Variants in PXDNL observed in about 807,000 individuals in gnomAD.
PXDNL encodes the protein peroxidasin like.
In PXDNL, 145 loss-of-function variants were observed where a neutral mutation model predicts 150.8. The observed-to-expected ratio is 0.96, with a 90% CI of 0.84 to 1.10. The LOEUF (loss-of-function observed/expected upper bound fraction) is 1.10, where lower values mean the gene tolerates loss of function less well. PXDNL is among the 50% of genes least tolerant of loss of function. The probability of loss-of-function intolerance (pLI) is 0.00; values close to 1 mark genes in which losing one functional copy is unlikely to be tolerated. For missense variants in PXDNL, 2,087 were observed against 1,873.9 expected (o/e 1.11, Z -2.10); for synonymous variants, 757 against 725.7 (o/e 1.04, Z -0.69).
chr8:51,408,521 C>T lies in PXDNL; in HGVS notation c.3103G>A (p.Gly1035Ser). 2 of 1,613,122 alleles carry T rather than the reference C, an allele frequency of 1.2e-6. No homozygotes were observed. Among genetic ancestry groups the T allele is most frequent in the South Asian group, 1.1e-5 (1 of 90,892 alleles). The change falls in exon 17 of 23, where the codon GGC becomes AGC. Residue 1035 changes from glycine (G) to serine (S), a missense_variant. By Grantham distance (56) the Gly-to-Ser change is moderately conservative (BLOSUM62 0). Transcript: ENST00000356297. ...CCTGCATTCACGTTGGGGTTGTAGC[C>T]TCGGTAACCCCTCAGCATCCTAGTG... is the stretch of plus-strand genomic sequence containing the variant. Reference protein sequence around the residue: ...PGTRMLRGYRGYNPNVNAGII... With the variant: ...PGTRMLRGYRSYNPNVNAGII...
At chr8:51,756,948 C>T (rs2037108450) in intron 1 of PXDNL, among the ~76,000 whole-genome samples, 1 of 152,072 alleles carries the variant, frequency 6.6e-6, no homozygotes, top group African/African-American at 2.4e-5. Flanking sequence ...AGTGGATATT[C>T]GTATGTTTAG....
intron 1 of PXDNL, among the ~76,000 whole-genome samples, chr8:51,807,627 T>C (rs1456873370): frequency 6.6e-6 from 1 of 152,224 alleles, no homozygotes; most frequent in East Asian, 1.9e-4. Flanking sequence ...GACAGGAATC[T>C]AGCCAAGGGC....
chr8:51,540,345 CA>C (rs1387461562), intron 4 of PXDNL, among the ~76,000 whole-genome samples: 1 of 152,078 alleles, frequency 6.6e-6, no homozygotes, highest in Non-Finnish European at 1.5e-5. Context: ...TTATTAATTC[CA>C]AATATCACCA....
intron 1 of PXDNL, among the ~76,000 whole-genome samples, chr8:51,675,069 G>C (rs74457625): frequency 6.6e-6 from 1 of 152,190 alleles, no homozygotes; most frequent in South Asian, 2.1e-4. Flanking sequence ...CATTTGCTAC[G>C]CACTCTCCTA....
At chr8:51,377,482 G>A (rs552064510) in intron 17 of PXDNL, among the ~76,000 whole-genome samples, 6 of 152,298 alleles carry the variant, frequency 3.9e-5, no homozygotes, top group African/African-American at 1.2e-4. Flanking sequence ...AAACGAGGCC[G>A]GAGCCGGCTC....
At chr8:51,568,830 A>G (rs1370881357) in intron 3 of PXDNL, among the ~76,000 whole-genome samples, 1 of 151,634 alleles carries the variant, frequency 6.6e-6, no homozygotes, top group African/African-American at 2.4e-5. Flanking sequence ...CGAGGCCTCT[A>G]TTAACATATC....
chr8:51,467,469 TG>T (rs1401888782), intron 8 of PXDNL, among the ~76,000 whole-genome samples: 1 of 151,990 alleles, frequency 6.6e-6, no homozygotes, highest in East Asian at 1.9e-4. Flanking sequence ...GAATACATGA[TG>T]GAGAGGTAGG....
At chr8:51,530,754 G>A (rs1319138975) in intron 4 of PXDNL, among the ~76,000 whole-genome samples, 3 of 151,952 alleles carry the variant, frequency 2.0e-5, no homozygotes, top group Non-Finnish European at 2.9e-5. Flanking sequence ...CCTGCTGTGA[G>A]GGCTTCCCTA....
Position 51,640,274 on chromosome 8 carries a change from T to C in PXDNL, c.236+14415A>G, listed in dbSNP as rs1814718076. 6.6e-5 allele frequency among the ~76,000 whole-genome samples: 10 copies of C among 152,134 alleles called. No individual in the cohort carries two copies. In the South Asian group the frequency reaches 2.1e-3, roughly 32 times the overall value. ...ACTGAATGGGCAAAAACTGGAAGCA[T>C]TCCCTTTGAAAACTGGCACAAGACA... On this transcript the variant is annotated intron_variant, in intron 2 of 22. Transcript: ENST00000356297.
intron 4 of PXDNL, among the ~76,000 whole-genome samples, chr8:51,528,507 G>A (rs1281015524): frequency 6.6e-6 from 1 of 152,184 alleles, no homozygotes; most frequent in African/African-American, 2.4e-5. Flanking sequence ...CCTCAAAGAT[G>A]TAAATGCCTT....
chr8:51,566,274 T>G (rs1812827839), intron 3 of PXDNL, among the ~76,000 whole-genome samples: 1 of 151,842 alleles, frequency 6.6e-6, no homozygotes, highest in South Asian at 2.1e-4. Context: ...TTTTCTGGTT[T>G]TGGTATTAGG....
At chr8:51,754,695 C>CGG (rs1563310755) in intron 1 of PXDNL, among the ~76,000 whole-genome samples, 3 of 151,914 alleles carry the variant, frequency 2.0e-5, no homozygotes, top group Non-Finnish European at 2.9e-5. Flanking sequence ...AGTAGAGATA[C>CGG]GGTTTCACCG....
At chr8:51,542,465 AG>A (rs770978843) in intron 4 of PXDNL, among the ~76,000 whole-genome samples, 1 of 149,964 alleles carries the variant, frequency 6.7e-6, no homozygotes, top group Non-Finnish European at 1.5e-5. Context: ...TCACGAGGGT[AG>A]GGTCCTTGTG....
chr8:51,694,567 G>A (rs192913700), intron 1 of PXDNL, among the ~76,000 whole-genome samples: 113 of 152,254 alleles, frequency 7.4e-4, no homozygotes, highest in East Asian at 2.9e-3. Context: ...AAAGAACCAC[G>A]TGACTCCCAA....
In PXDNL at chr8:51,734,117, A is replaced by G. The variant is rs1459859215; in HGVS notation, c.164+75064T>C. ...CATTACATGAAACCTCACTATCAGT[A>G]TAATGCGGAGCTTTGAAAGATCAAT... On this transcript the variant is annotated intron_variant, in intron 1 of 22. Transcript: ENST00000356297. Among the ~76,000 whole-genome samples the G allele has an allele frequency of 1.4e-4, 21 of 152,058 alleles. 1 individual carries two copies. Among genetic ancestry groups the G allele is most frequent in the Admixed American group, 1.4e-3 (21 of 15,268 alleles).
rs1252147928 is a variant in PXDNL, at chr8:51,705,830, T to C, written c.165-51070A>G. On this transcript the variant is annotated intron_variant, in intron 1 of 22. Coordinates refer to ENST00000356297, the MANE Select transcript of PXDNL (RefSeq NM_144651.5). ...CACTGTGTGTGTGTGTGTGTGTGTGTGTGCGCGCGCGCGCGCGCGCGCGTG... is the reference window on the plus strand; with the variant it reads ...CACTGTGTGTGTGTGTGTGTGTGTGCGTGCGCGCGCGCGCGCGCGCGCGTG... 1.4e-4 allele frequency among the ~76,000 whole-genome samples: 8 copies of C among 57,686 alleles called. No homozygotes were observed. The East Asian group carries it at 3.3e-3, about 23-fold the overall frequency. The allele number at this position is 57,686 out of a possible 152,430, so 37.8% of individuals were successfully genotyped here.
In PXDNL at chr8:51,362,218, C is replaced by T. The variant is rs150475720; in HGVS notation, c.3901+9655G>A. ...AAGTGTTTACAAAAGATAAGACCTC[C>T]GGTAAAGTAGGCTTGCTTCTTTCTC... On this transcript the variant is annotated intron_variant, in intron 19 of 22. Transcript: ENST00000356297. Among the ~76,000 whole-genome samples the T allele has an allele frequency of 1.5e-3, 235 of 152,246 alleles. 1 individual carries two copies. Among genetic ancestry groups the T allele is most frequent in the Admixed American group, 3.6e-3 (55 of 15,292 alleles).
At position 51,710,889 on chromosome 8, in the gene PXDNL, G is replaced by A. The variant is rs115025828; in HGVS notation, c.165-56129C>T. On this transcript the variant is annotated intron_variant, in intron 1 of 22. Transcript: ENST00000356297. ...ATGACCTCAACACAAAAAAGGCCAT[G>A]TATGGCAAGCTCACAGCCCTCACAC... Among the ~76,000 whole-genome samples, 1,179 of 152,310 alleles carry A rather than the reference G, an allele frequency of 7.7e-3. 21 individuals carry two copies. The highest frequency in any genetic ancestry group is 0.027 in the African/African-American group (1,125 of 41,568).
At chr8:51,397,160 G>A (rs573254814) in intron 17 of PXDNL, among the ~76,000 whole-genome samples, 17 of 152,226 alleles carry the variant, frequency 1.1e-4, no homozygotes, top group Admixed American at 2.6e-4. Flanking sequence ...TACCAACTGC[G>A]GACCATTCTT....
Sources: gnomAD v4.1 joint callset for allele counts (sites outside exome capture counted in the v4.1 genomes callset) on GRCh38, gnomAD v4.1.1 for gene constraint, MANE v1.5 for transcripts, NCBI Gene and HGNC (gene_info 2026-07-23, HGNC 2026-07-21) for gene names.